RDX: variants seen among roughly 807,000 people sequenced by gnomAD.
The protein encoded by RDX is radixin.
Under a neutral mutation model 83.7 loss-of-function variants are expected in RDX, and 32 were observed. That is an observed-to-expected ratio of 0.38 (90% CI 0.29 to 0.51). The LOEUF is 0.51. RDX is among the 20% of genes least tolerant of loss of function. The probability of loss-of-function intolerance (pLI) is 0.87; values close to 1 mark genes in which losing one functional copy is unlikely to be tolerated. For synonymous variants in RDX, 229 were observed against 222.7 expected (o/e 1.03, Z -0.25); for missense variants, 600 against 689.9 (o/e 0.87, Z 1.46).
chr11:110,232,192 G>A (rs1036818671), intron 13 of RDX, among the ~76,000 whole-genome samples, 159 bp from the exon 14 acceptor site: 14 of 152,086 alleles, frequency 9.2e-5, no homozygotes, highest in African/African-American at 3.1e-4. Flanking sequence ...TGGTGGCAGT[G>A]GTAAGGGAGG....
At chr11:110,178,750 G>A (rs750484844) in intron 15 of RDX, among the ~76,000 whole-genome samples, 1 of 152,194 alleles carries the variant, frequency 6.6e-6, no homozygotes, top group African/African-American at 2.4e-5. Context: ...GGAAGCTAGA[G>A]ACACTGAGGC....
At chr11:110,270,161 G>T (rs1225267457) in intron 3 of RDX, among the ~76,000 whole-genome samples, 1 of 152,016 alleles carries the variant, frequency 6.6e-6, no homozygotes, top group East Asian at 1.9e-4. Context: ...TAACGATGGG[G>T]ATACATTCTG....
intron 1 of RDX, among the ~76,000 whole-genome samples, chr11:110,283,471 C>T (rs779839580): frequency 3.3e-5 from 5 of 151,926 alleles, no homozygotes; most frequent in Middle Eastern, 3.2e-3. Context: ...TAATTTCTTA[C>T]GATGAAAAAA....
chr11:110,235,962 A>G, intron 12 of RDX, 137 bp downstream of exon 12: 1 of 683,964 alleles, frequency 1.5e-6, no homozygotes, highest in Non-Finnish European at 2.6e-6. Context: ...CTGTAGATAG[A>G]TATTTACAAT....
intron 14 of RDX, among the ~76,000 whole-genome samples, chr11:110,222,695 C>T (rs1343020033): frequency 2.6e-5 from 4 of 152,082 alleles, no homozygotes; most frequent in African/African-American, 9.7e-5. Flanking sequence ...ACTTGGGAGG[C>T]TGAGGCATGA....
intron 1 of RDX, among the ~76,000 whole-genome samples, chr11:110,292,234 A>G (rs1214507431): frequency 6.6e-6 from 1 of 151,902 alleles, no homozygotes; most frequent in East Asian, 1.9e-4. Flanking sequence ...CAGAGGCTGT[A>G]GTGAGCTGAG....
downstream of RDX, chr11:110,229,293 G>C (rs1041046702): frequency 6.6e-6 from 1 of 152,154 alleles, no homozygotes; most frequent in African/African-American, 2.4e-5. Context: ...ATACCAAAGA[G>C]GTATCGGGGA....
intron 14 of RDX, among the ~76,000 whole-genome samples, chr11:110,204,859 C>G (rs1450466394): frequency 1.3e-5 from 2 of 152,126 alleles, no homozygotes; most frequent in Non-Finnish European, 2.9e-5. Flanking sequence ...AATACATTTC[C>G]AAGCAAAAGT....
Position 110,275,671 on chromosome 11 carries a change from G to A in RDX, c.13-3052C>T, listed in dbSNP as rs149599101. On this transcript the variant is annotated intron_variant, in intron 2 of 13. Transcript: ENST00000645495. ...TTCTTACAAAAGAACCTCCCATATT[G>A]TGGTTCGTCATTTTACTTTCTCCAT... 1.6e-3 allele frequency among the ~76,000 whole-genome samples: 239 copies of A among 151,698 alleles called. 1 individual carries two copies. The highest frequency in any genetic ancestry group is 3.2e-3 in the Admixed American group (48 of 15,238).
chr11:110,295,260 T>C (rs986608312), intron 1 of RDX, among the ~76,000 whole-genome samples: 2 of 151,400 alleles, frequency 1.3e-5, no homozygotes, highest in Non-Finnish European at 2.9e-5. Flanking sequence ...AACGGGGTAA[T>C]TGTTCCTTCT....
intron 2 of RDX, among the ~76,000 whole-genome samples, chr11:110,276,934 T>C (rs1311127422): frequency 2.6e-5 from 4 of 152,222 alleles, no homozygotes; most frequent in South Asian, 4.1e-4. Flanking sequence ...ACTATAGAAA[T>C]ACAAATGTTT....
intron 15 of RDX, among the ~76,000 whole-genome samples, chr11:110,187,966 C>A (rs1863019978): frequency 6.6e-6 from 1 of 152,216 alleles, no homozygotes; most frequent in Admixed American, 6.5e-5. Flanking sequence ...AACCTGCCAA[C>A]AGAAGTGCAT....
At chr11:110,246,384 A>G (rs1859105902) in intron 10 of RDX, among the ~76,000 whole-genome samples, 1 of 152,208 alleles carries the variant, frequency 6.6e-6, no homozygotes. Flanking sequence ...AAATCAAAAT[A>G]TATCTTAAAT....
chr11:110,225,864 T>G (rs1330420956), downstream of RDX, among the ~76,000 whole-genome samples: 2 of 150,448 alleles, frequency 1.3e-5, no homozygotes, highest in Non-Finnish European at 3.0e-5. Context: ...CTAACCAACA[T>G]GGAGAAATCC....
intron 15 of RDX, among the ~76,000 whole-genome samples, chr11:110,198,530 GC>G (rs1326557671): frequency 2.6e-5 from 4 of 152,294 alleles, no homozygotes; most frequent in Non-Finnish European, 4.4e-5. Flanking sequence ...CCTGAGCGCC[GC>G]CTCTTGTCAG....
intron 1 of RDX, among the ~76,000 whole-genome samples, chr11:110,291,443 C>T (rs998112626): frequency 2.0e-5 from 3 of 152,156 alleles, no homozygotes; most frequent in Admixed American, 6.5e-5. Context: ...ATTACCCTTG[C>T]CAGTTGACTG....
intron 14 of RDX, among the ~76,000 whole-genome samples, chr11:110,201,091 G>A (rs772393715): frequency 2.7e-5 from 4 of 149,924 alleles, no homozygotes; most frequent in Admixed American, 6.7e-5. Context: ...TAGGAGAATC[G>A]CTTGAACCTG....
chr11:110,248,094 A>G (rs767969854), intron 9 of RDX, among the ~76,000 whole-genome samples: 5 of 152,118 alleles, frequency 3.3e-5, no homozygotes, highest in Non-Finnish European at 4.4e-5. Context: ...AATGGTTGGG[A>G]ATGGGGTGAG....
chr11:110,243,555 TA>T, intron 10 of RDX, among the ~76,000 whole-genome samples: 1 of 152,000 alleles, frequency 6.6e-6, no homozygotes, highest in East Asian at 1.9e-4. Flanking sequence ...CTGTCTCTAC[TA>T]AAAATATAAA....
Sources: gnomAD v4.1 joint callset for allele counts (sites outside exome capture counted in the v4.1 genomes callset) on GRCh38, gnomAD v4.1.1 for gene constraint, MANE v1.5 for transcripts, NCBI Gene and HGNC (gene_info 2026-07-23, HGNC 2026-07-21) for gene names.